RTN1: variants seen among roughly 807,000 people sequenced by gnomAD.
RTN1 encodes the protein reticulon 1.
In RTN1, 25 loss-of-function variants were observed where a neutral mutation model predicts 65.5. The observed-to-expected ratio is 0.38, with a 90% CI of 0.28 to 0.53. The LOEUF is 0.53. Ranked by LOEUF, RTN1 falls within the 20% of genes least tolerant of loss-of-function variation. The pLI is 0.79. For synonymous variants in RTN1, 471 were observed against 447.6 expected (o/e 1.05, Z -0.66); for missense variants, 983 against 1,025.4 (o/e 0.96, Z 0.57).
chr14:59,668,395 G>A (rs1336420302), intron 3 of RTN1, among the ~76,000 whole-genome samples: 1 of 152,144 alleles, frequency 6.6e-6, no homozygotes, highest in Admixed American at 6.5e-5. Flanking sequence ...AAACTGGCTA[G>A]CCACATGTAG....
chr14:59,648,600 G>A (rs1882953133), intron 3 of RTN1, among the ~76,000 whole-genome samples: 1 of 152,116 alleles, frequency 6.6e-6, no homozygotes, highest in Non-Finnish European at 1.5e-5. Flanking sequence ...TGATCAAGAA[G>A]GCTTTATCCC....
chr14:59,770,569 T>G (rs1885937101), intron 1 of RTN1, among the ~76,000 whole-genome samples: 1 of 152,040 alleles, frequency 6.6e-6, no homozygotes, highest in African/African-American at 2.4e-5. Context: ...AACCTTAATG[T>G]TATGGTAAAG....
chr14:59,602,981 A>G (rs1160701393), intron 8 of RTN1, 84 bp downstream of exon 8: 1 of 965,244 alleles, frequency 1.0e-6, no homozygotes, highest in East Asian at 2.5e-5. Context: ...TCATTTTACT[A>G]TCTTCTCATT....
chr14:59,719,224 A>G (rs934626069), intron 3 of RTN1, among the ~76,000 whole-genome samples: 1 of 152,196 alleles, frequency 6.6e-6, no homozygotes, highest in Admixed American at 6.5e-5. Context: ...ATTTCTTGCC[A>G]TTCTTCCCCT....
intron 3 of RTN1, among the ~76,000 whole-genome samples, chr14:59,636,641 A>G (rs1882672169): frequency 6.6e-6 from 1 of 152,166 alleles, no homozygotes; most frequent in South Asian, 2.1e-4. Flanking sequence ...AAGATTCTTT[A>G]AAAATTTTTA....
chr14:59,612,649 C>T (rs1397382302), intron 3 of RTN1, among the ~76,000 whole-genome samples: 1 of 152,184 alleles, frequency 6.6e-6, no homozygotes, highest in Non-Finnish European at 1.5e-5. Flanking sequence ...TTGGCAGGCT[C>T]GTCAGTTACA....
intron 1 of RTN1, among the ~76,000 whole-genome samples, chr14:59,778,117 C>A (rs894657505): frequency 1.6e-4 from 25 of 152,152 alleles, no homozygotes; most frequent in African/African-American, 5.8e-4. Context: ...CAGATCTTTG[C>A]TCACTCATCA....
At chr14:59,781,474 G>T (rs1886154573) in intron 1 of RTN1, among the ~76,000 whole-genome samples, 1 of 151,948 alleles carries the variant, frequency 6.6e-6, no homozygotes. Context: ...CTTAAAATAT[G>T]GTTTGCCTAG....
At chr14:59,687,912 C>T (rs1183371301) in intron 3 of RTN1, among the ~76,000 whole-genome samples, 1 of 151,870 alleles carries the variant, frequency 6.6e-6, no homozygotes, top group Non-Finnish European at 1.5e-5. Context: ...CCCAGGCAGA[C>T]CTCCAGGCAT....
intron 3 of RTN1, among the ~76,000 whole-genome samples, chr14:59,645,149 G>A (rs148124600): frequency 5.3e-5 from 8 of 150,846 alleles, no homozygotes; most frequent in African/African-American, 1.9e-4. Flanking sequence ...AGAATCTCCT[G>A]ACCAAGATTT....
chr14:59,819,447 C>G lies in RTN1; in HGVS notation c.241+50943G>C, dbSNP rs1310503271. Among the ~76,000 whole-genome samples, 9 of 77,726 alleles carry G rather than the reference C, an allele frequency of 1.2e-4. 1 individual carries two copies. In the South Asian group the frequency reaches 2.2e-3, roughly 19 times the overall value. 51.0% of individuals were successfully genotyped at this position (77,726 alleles called of 152,430 possible). On this transcript the variant is annotated intron_variant, in intron 1 of 8. Coordinates refer to ENST00000267484, the MANE Select transcript of RTN1 (RefSeq NM_021136.3). Reference sequence around the variant, plus strand: ...CCCACCCCCCACCCCCCCCCCCCGGCCACAGCTAGACACAGAGTACAATCC... The same window carrying G: ...CCCACCCCCCACCCCCCCCCCCCGGGCACAGCTAGACACAGAGTACAATCC...
At chr14:59,801,179 A>G (rs912836108) in intron 1 of RTN1, among the ~76,000 whole-genome samples, 1 of 152,202 alleles carries the variant, frequency 6.6e-6, no homozygotes, top group Admixed American at 6.5e-5. Context: ...GGCAGAAAAT[A>G]TTTTAAATGA....
intron 3 of RTN1, among the ~76,000 whole-genome samples, chr14:59,619,234 C>A (rs935853084): frequency 6.6e-6 from 1 of 152,144 alleles, no homozygotes; most frequent in Non-Finnish European, 1.5e-5. Context: ...TAATTAGTAT[C>A]ACTGCCAAAA....
At chr14:59,690,258 G>C (rs1883932802) in intron 3 of RTN1, among the ~76,000 whole-genome samples, 1 of 151,608 alleles carries the variant, frequency 6.6e-6, no homozygotes, top group Non-Finnish European at 1.5e-5. Flanking sequence ...CAAAGGAAAG[G>C]GTCAAAGAAA....
intron 3 of RTN1, among the ~76,000 whole-genome samples, chr14:59,637,788 A>G (rs140665426): frequency 1.2e-3 from 186 of 152,238 alleles, no homozygotes; most frequent in African/African-American, 4.3e-3. Flanking sequence ...TGAATCACAA[A>G]TGTTCTTAAT....
At chr14:59,692,454 G>A (rs1883981574) in intron 3 of RTN1, among the ~76,000 whole-genome samples, 1 of 152,152 alleles carries the variant, frequency 6.6e-6, no homozygotes, top group Non-Finnish European at 1.5e-5. Flanking sequence ...CTCATGGATT[G>A]GAAGAATCAA....
chr14:59,758,745 G>T (rs1885690058), intron 1 of RTN1, among the ~76,000 whole-genome samples: 1 of 151,958 alleles, frequency 6.6e-6, no homozygotes, highest in South Asian at 2.1e-4. Flanking sequence ...TCATATCTTT[G>T]CACAGTCTGT....
At chr14:59,793,636 C>CCACACA (rs766243780) in intron 1 of RTN1, among the ~76,000 whole-genome samples, 96 of 144,308 alleles carry the variant, frequency 6.7e-4, no homozygotes, top group East Asian at 2.2e-3. Flanking sequence ...CAGGCACACA[C>CCACACA]CACACACACA....
At chr14:59,781,422 T>C (rs1886153511) in intron 1 of RTN1, among the ~76,000 whole-genome samples, 1 of 152,020 alleles carries the variant, frequency 6.6e-6, no homozygotes. Context: ...GTGAATCTGT[T>C]CAGCAACAAC....
Sources: allele counts gnomAD v4.1 joint callset (sites outside exome capture counted in the v4.1 genomes callset), GRCh38; gene constraint gnomAD v4.1.1; transcripts MANE v1.5; gene names NCBI Gene and HGNC (gene_info 2026-07-23, HGNC 2026-07-21).